Variants in SLC38A1 observed in about 807,000 individuals in gnomAD.
SLC38A1 encodes the protein solute carrier family 38 member 1.
A neutral mutation model predicts 60.3 loss-of-function variants in SLC38A1; 18 were observed. That is an observed-to-expected ratio of 0.30 (90% confidence interval 0.21 to 0.44). The LOEUF (loss-of-function observed/expected upper bound fraction) is 0.44, where lower values mean the gene tolerates loss of function less well. SLC38A1 is among the 20% of genes least tolerant of loss of function. SLC38A1 has a pLI of 1.00. For synonymous variants in SLC38A1, 196 were observed against 212.1 expected (o/e 0.92, Z 0.66); for missense variants, 448 against 587.2 (o/e 0.76, Z 2.45).
intron 1 of SLC38A1, among the ~76,000 whole-genome samples, chr12:46,249,168 A>AAAG (rs1555191160): frequency 7.9e-6 from 1 of 126,442 alleles, no homozygotes; most frequent in Non-Finnish European, 1.6e-5. Context: ...AAAAAAAAAA[A>AAAG]AAAAAAAGAA....
chr12:46,238,514 A>G (rs922283616), intron 3 of SLC38A1, among the ~76,000 whole-genome samples: 2 of 152,308 alleles, frequency 1.3e-5, no homozygotes, highest in East Asian at 1.9e-4. Flanking sequence ...TGACCCTCCC[A>G]AAGTATAACA....
chr12:46,218,740 G>A (rs903597711), intron 5 of SLC38A1, among the ~76,000 whole-genome samples: 5 of 152,160 alleles, frequency 3.3e-5, no homozygotes, highest in African/African-American at 1.2e-4. Flanking sequence ...CAGTCTCCCA[G>A]AGCATTCGGG....
intron 5 of SLC38A1, among the ~76,000 whole-genome samples, chr12:46,215,482 G>T (rs1234071225): frequency 6.6e-6 from 1 of 151,980 alleles, no homozygotes. Flanking sequence ...CACAATCTTG[G>T]CTCACTGCAA....
At position 46,187,132 on chromosome 12, in the gene SLC38A1, A is replaced by C. The variant is rs948083265; in HGVS notation, c.*1838T>G. 6.6e-6 allele frequency: 1 copy of C among 152,212 alleles called. No homozygotes were observed. The allele number at this position is 152,212 out of a possible 1,614,324, so 9.4% of individuals were successfully genotyped here. Reference sequence around the variant, plus strand: ...TTATATTAAAAGCTATGATGATGCAATGCAGGAAATAACCTTTCATTCTCC... The same window carrying C: ...TTATATTAAAAGCTATGATGATGCACTGCAGGAAATAACCTTTCATTCTCC... On this transcript the variant is annotated 3_prime_UTR_variant, in exon 17 of 17. Transcript: ENST00000398637.
intron 2 of SLC38A1, among the ~76,000 whole-genome samples, chr12:46,241,092 G>A (rs912021709): frequency 2.6e-5 from 4 of 152,080 alleles, no homozygotes; most frequent in Non-Finnish European, 4.4e-5. Context: ...GAGCCTCACC[G>A]TGATACTCTC....
rs867571354 is a variant in SLC38A1, at chr12:46,243,223, G to A, written c.-117C>T. ...ACCTGTTAGCTCAGCAAGCAGAGAC[G>A]ATCACTCTATATATATTGTTGTATG... On this transcript the variant is annotated 5_prime_UTR_variant, in exon 2 of 17. Coordinates refer to ENST00000398637, the MANE Select transcript of SLC38A1 (RefSeq NM_030674.4). 5 of 151,958 alleles carry A rather than the reference G, an allele frequency of 3.3e-5. No individual in the cohort carries two copies. The highest frequency in any genetic ancestry group is 1.9e-4 in the East Asian group (1 of 5,162). The allele number at this position is 151,958 out of a possible 1,614,324, so 9.4% of individuals were successfully genotyped here.
chr12:46,211,170 T>C lies in SLC38A1; in HGVS notation c.315-2043A>G, dbSNP rs150331510. The stretch of plus-strand genomic sequence containing the variant: ...GGACACAATGCTAAGTAGCCACTTC[T>C]ACACGAACATGTGACAGGCCCTAGA... On this transcript the variant is annotated intron_variant, in intron 5 of 16. Transcript: ENST00000398637. Among the ~76,000 whole-genome samples the C allele has an allele frequency of 3.1e-3, 466 of 152,340 alleles. 2 individuals are homozygous for C. Among genetic ancestry groups the C allele is most frequent in the African/African-American group, 0.011 (449 of 41,572 alleles).
chr12:46,197,942 A>C lies in SLC38A1; in HGVS notation c.1241T>G (p.Met414Arg). 6.2e-7 allele frequency: 1 copy of C among 1,614,118 alleles called. No individual in the cohort carries two copies. Among genetic ancestry groups the C allele is most frequent in the East Asian group, 2.2e-5 (1 of 44,832 alleles). The change falls in exon 15 of 17, where the codon ATG becomes AGG. Residue 414 changes from methionine (M) to arginine (R), a missense_variant. By Grantham distance (91) the Met-to-Arg change is moderately conservative. This residue lies in a region of SLC38A1 where 346 missense variants were observed against 497.5 expected (regional missense o/e 0.70). Transcript: ENST00000398637. ...ACCTACGACTCCAAAAATATCCTTCATGGAGGGTATGAAGATCACCAACAA... is the reference window on the plus strand; with the variant it reads ...ACCTACGACTCCAAAAATATCCTTCCTGGAGGGTATGAAGATCACCAACAA... The part of the protein sequence containing the change: ...INLLVIFIPS[M>R]KDIFGVVGVT...
intron 3 of SLC38A1, among the ~76,000 whole-genome samples, chr12:46,234,511 T>A (rs376655807): frequency 1.3e-5 from 2 of 150,746 alleles, no homozygotes; most frequent in East Asian, 2.0e-4. Flanking sequence ...GCAGTGGCGC[T>A]ATCTCGGCTC....
At chr12:46,216,006 T>G (rs1940395285) in intron 5 of SLC38A1, among the ~76,000 whole-genome samples, 1 of 152,164 alleles carries the variant, frequency 6.6e-6, no homozygotes, top group African/African-American at 2.4e-5. Context: ...ACAAGGAACT[T>G]AGACAAACCA....
At chr12:46,267,673 C>T (rs1271938532) in intron 1 of SLC38A1, 1 of 152,280 alleles carries the variant, frequency 6.6e-6, no homozygotes, top group African/African-American at 2.4e-5. Context: ...CCGGCACCGA[C>T]CCACGCGTTT....
chr12:46,228,783 A>C (rs926264080), intron 5 of SLC38A1, among the ~76,000 whole-genome samples: 1 of 152,220 alleles, frequency 6.6e-6, no homozygotes, highest in African/African-American at 2.4e-5. Context: ...TACACGCTTC[A>C]CAGCAATCCA....
intron 1 of SLC38A1, among the ~76,000 whole-genome samples, chr12:46,248,572 A>C (rs1307060982): frequency 3.9e-5 from 6 of 152,196 alleles, no homozygotes; most frequent in Non-Finnish European, 8.8e-5. Context: ...ACTCCCACAC[A>C]ATAATAATGG....
rs1008197340 is a variant in SLC38A1 at position 46,229,209 on chromosome 12, G to A, written c.258C>T (p.Gly86=). 10 of 1,613,750 alleles carry A rather than the reference G, an allele frequency of 6.2e-6. No individual in the cohort carries two copies. The highest frequency in any genetic ancestry group is 8.5e-6 in the Non-Finnish European group (10 of 1,179,820). The part of the protein sequence containing the change: ...SVFNLSNAIM[G]SGILGLAFAL... ...CAAAGGCGAGTCCCAAAATCCCACT[G>A]CCCATAATGGCGTTGCTTAGGTTAA... The change falls in exon 5 of 17, where the codon GGC becomes GGT. Residue 86 remains glycine (G), a synonymous_variant. Transcript: ENST00000398637.
At chr12:46,236,104 T>A (rs187697639) in intron 3 of SLC38A1, among the ~76,000 whole-genome samples, 40 of 152,312 alleles carry the variant, frequency 2.6e-4, no homozygotes, top group African/African-American at 8.7e-4. Context: ...GCCAAGTACT[T>A]TACATGAATT....
chr12:46,258,114 C>G (rs898221621), intron 1 of SLC38A1, among the ~76,000 whole-genome samples: 1 of 152,158 alleles, frequency 6.6e-6, no homozygotes, highest in Non-Finnish European at 1.5e-5. Flanking sequence ...GCAGTGAGGA[C>G]GACCAGAGGT....
intron 1 of SLC38A1, among the ~76,000 whole-genome samples, chr12:46,245,759 T>A (rs1941594439): frequency 2.0e-5 from 3 of 152,018 alleles, no homozygotes; most frequent in Admixed American, 6.6e-5. Context: ...AAAAAATAAA[T>A]AAAAGTAACA....
At chr12:46,259,006 T>C (rs1235281459) in intron 1 of SLC38A1, among the ~76,000 whole-genome samples, 1 of 152,178 alleles carries the variant, frequency 6.6e-6, no homozygotes, top group Non-Finnish European at 1.5e-5. Flanking sequence ...TTGTATTATA[T>C]ATATGGGATT....
chr12:46,244,980 G>A lies in SLC38A1; in HGVS notation c.-208-1666C>T, dbSNP rs1255504822. 2.0e-5 allele frequency among the ~76,000 whole-genome samples: 3 copies of A among 152,018 alleles called. No individual in the cohort carries two copies. The South Asian group carries it at 6.2e-4, about 32-fold the overall frequency. On this transcript the variant is annotated intron_variant, in intron 1 of 16. Coordinates refer to ENST00000398637, the MANE Select transcript of SLC38A1 (RefSeq NM_030674.4). ...ATACCAACTTCAATTATCAATTCAG[G>A]CCTGTCTTGTTAGATTTTTTTATGC...
Sources: gnomAD v4.1 joint callset for allele counts (sites outside exome capture counted in the v4.1 genomes callset) on GRCh38, gnomAD v4.1.1 for gene constraint, gnomAD v4.1.1 regional missense constraint, MANE v1.5 for transcripts, NCBI Gene and HGNC (gene_info 2026-07-23, HGNC 2026-07-21) for gene names.